TPPP: variants seen among roughly 807,000 people sequenced by gnomAD.
TPPP encodes tubulin polymerization-promoting protein.
A neutral mutation model predicts 15.5 loss-of-function variants in TPPP; 6 were observed. The observed-to-expected ratio is 0.39, with a 90% CI of 0.21 to 0.77. The LOEUF (loss-of-function observed/expected upper bound fraction) is 0.77, where lower values mean the gene tolerates loss of function less well. TPPP is among the 30% of genes least tolerant of loss of function. The pLI, the probability that TPPP is intolerant of heterozygous loss-of-function variation, is 0.42. For synonymous variants in TPPP, 146 were observed against 133.9 expected, an observed-to-expected ratio of 1.09 and a Z score of -0.63; for missense variants, 269 against 307.2, an observed-to-expected ratio of 0.88 and a Z score of 0.93.
rs369979785 is a variant in TPPP at position 668,813 on chromosome 5, G to C, written c.312-2690C>G. Among the ~76,000 whole-genome samples, 12 of 152,354 alleles carry C rather than the reference G, an allele frequency of 7.9e-5. No individual in the cohort carries two copies. In the South Asian group the frequency reaches 2.5e-3, roughly 32 times the overall value. ...AGCAGCGGCCAGACCACAGTGCTGT[G>C]ATGTGTGCGCACGTGGACAGCACCC... On this transcript the variant is annotated intron_variant, in intron 2 of 3. Transcript: ENST00000360578.
Position 687,074 on chromosome 5 carries a change from C to T in TPPP, c.-5+6204G>A, listed in dbSNP as rs1225173337. 9.4e-5 allele frequency among the ~76,000 whole-genome samples: 12 copies of T among 127,988 alleles called. 1 individual carries two copies. Among genetic ancestry groups the T allele is most frequent in the East Asian group, 2.2e-4 (1 of 4,490 alleles). 84.0% of individuals were successfully genotyped at this position (127,988 alleles called of 152,430 possible). On this transcript the variant is annotated intron_variant, in intron 1 of 3. Transcript: ENST00000360578. ...AGCAACACACACGGACTAACACAGT[C>T]GCCATGAGGCCGGGGCTGCAGTGAC... is the stretch of plus-strand genomic sequence containing the variant.
intron 2 of TPPP, among the ~76,000 whole-genome samples, chr5:668,542 GACAA>G (rs1740048553): frequency 1.7e-5 from 2 of 117,676 alleles, no homozygotes; most frequent in South Asian, 5.7e-4. Context: ...AGGGGGCTCA[GACAA>G]TCAAATAAAC....
At chr5:675,470 T>TACA (rs1740393732) in intron 2 of TPPP, among the ~76,000 whole-genome samples, 1 of 50,336 alleles carries the variant, frequency 2.0e-5, no homozygotes, top group Non-Finnish European at 4.7e-5. Context: ...GCACAGGGGG[T>TACA]GCAGTGTGGC....
chr5:684,298 G>A (rs1016581479), intron 1 of TPPP, among the ~76,000 whole-genome samples: 1 of 152,222 alleles, frequency 6.6e-6, no homozygotes, highest in African/African-American at 2.4e-5. Context: ...GCACAGGCAC[G>A]GCACAGCCCC....
At chr5:665,451 A>C in intron 3 of TPPP, 155 bp from the exon 4 acceptor site, 1 of 701,498 alleles carries the variant, frequency 1.4e-6, no homozygotes, top group Non-Finnish European at 2.3e-6. Flanking sequence ...TCTTATTTTT[A>C]CCTCTCCTGA....
At position 663,950 on chromosome 5, in the gene TPPP, A is replaced by G. The variant is rs1739791451; in HGVS notation, c.*1152T>C. On this transcript the variant is annotated 3_prime_UTR_variant, in exon 4 of 4. Transcript: ENST00000360578. ...GGAGCGCCGGCTTCTCCCCAGGTGC[A>G]GACAGGCAAGGGCGGGCCGCCTGGG... 6.6e-6 allele frequency: 1 copy of G among 152,640 alleles called. No homozygotes were observed. The highest frequency in any genetic ancestry group is 2.1e-4 in the South Asian group (1 of 4,838). 9.5% of individuals were successfully genotyped at this position (152,640 alleles called of 1,614,324 possible).
chr5:670,593 C>G (rs924408784), intron 2 of TPPP, among the ~76,000 whole-genome samples: 1 of 152,088 alleles, frequency 6.6e-6, no homozygotes, highest in African/African-American at 2.4e-5. Context: ...AGGTTCCTAC[C>G]TGGTAGGGAC....
Position 684,270 on chromosome 5 carries a change from C to T in TPPP, c.-4-6206G>A, listed in dbSNP as rs540958354. On this transcript the variant is annotated intron_variant, in intron 1 of 3. Coordinates refer to ENST00000360578, the MANE Select transcript of TPPP (RefSeq NM_007030.3). ...GGGGATCGGGACCAGGGGGAAGCAG[C>T]CCCCCAGTAAATCCGAAGCACAGGC... 2.6e-5 allele frequency among the ~76,000 whole-genome samples: 4 copies of T among 152,230 alleles called. No individual in the cohort carries two copies. The East Asian group carries it at 7.8e-4, about 30-fold the overall frequency.
At chr5:700,573 C>T in the TPPP span, among the ~76,000 whole-genome samples, 1 of 152,012 alleles carries the variant, frequency 6.6e-6, no homozygotes, top group African/African-American at 2.4e-5. Flanking sequence ...TGCACTTCTA[C>T]CCCTTACATC....
chr5:669,194 T>G (rs1740090650), intron 2 of TPPP, among the ~76,000 whole-genome samples: 1 of 152,142 alleles, frequency 6.6e-6, no homozygotes, highest in South Asian at 2.1e-4. Context: ...CCTGGACTGC[T>G]GAGGGCAGCC....
rs1166376461 is a variant in TPPP, at chr5:677,981, G to A, written c.80C>T (p.Ala27Val). The A allele has an allele frequency of 2.5e-6, 4 of 1,609,552 alleles. No individual in the cohort carries two copies. Among genetic ancestry groups the A allele is most frequent in the South Asian group, 1.1e-5 (1 of 90,552 alleles). The change falls in exon 2 of 4, where the codon GCA (alanine) becomes GTA (valine). Residue 27 changes from alanine (A) to valine (V), a missense_variant. Ala to Val is a moderately conservative substitution (Grantham distance 64). Transcript: ENST00000360578. Reference protein sequence around the residue: ...KSPGDPSKDRAAKRLSLESEG... With the variant: ...KSPGDPSKDRVAKRLSLESEG... ...CGATTCCAGCGACAGCCTCTTGGCTGCCCGGTCCTTCGAGGGGTCCCCCGG... is the reference window on the plus strand; with the variant it reads ...CGATTCCAGCGACAGCCTCTTGGCTACCCGGTCCTTCGAGGGGTCCCCCGG...
intron 2 of TPPP, among the ~76,000 whole-genome samples, chr5:674,126 G>A (rs928161507): frequency 6.6e-6 from 1 of 152,206 alleles, no homozygotes; most frequent in African/African-American, 2.4e-5. Context: ...CTCCCGCCCA[G>A]CCCTTCTAGG....
At chr5:688,120 C>T (rs1319566992) in intron 1 of TPPP, among the ~76,000 whole-genome samples, 1 of 115,978 alleles carries the variant, frequency 8.6e-6, no homozygotes, top group African/African-American at 3.2e-5. Context: ...AACTGCTTGG[C>T]ATCATCTGAT....
chr5:674,543 AG>A (rs1476861555), intron 2 of TPPP, among the ~76,000 whole-genome samples: 1 of 152,098 alleles, frequency 6.6e-6, no homozygotes, highest in Non-Finnish European at 1.5e-5. Context: ...GCTCAGGACA[AG>A]GGCACTGTCT....
chr5:682,580 C>T (rs1364538490), intron 1 of TPPP, among the ~76,000 whole-genome samples: 1 of 146,582 alleles, frequency 6.8e-6, no homozygotes, highest in Admixed American at 6.7e-5. Context: ...CAGGGGTCTG[C>T]CCCTTGGGCC....
At chr5:676,712 A>G (rs1483753945) in intron 2 of TPPP, 1 of 152,296 alleles carries the variant, frequency 6.6e-6, no homozygotes, top group Non-Finnish European at 1.5e-5. Context: ...AGGGTGCCTC[A>G]GTGTGCTTCC....
At chr5:666,619 C>T (rs1184320299) in intron 2 of TPPP, among the ~76,000 whole-genome samples, 1 of 151,406 alleles carries the variant, frequency 6.6e-6, no homozygotes, top group Non-Finnish European at 1.5e-5. Context: ...GATGCCCTGG[C>T]TCCAAAACCC....
chr5:672,267 G>A (rs889101499), intron 2 of TPPP, among the ~76,000 whole-genome samples: 3 of 152,166 alleles, frequency 2.0e-5, no homozygotes, highest in African/African-American at 7.2e-5. Context: ...CAGACCCCAG[G>A]GAGCCTGGCC....
chr5:692,991 G>A (rs1412323541), intron 1 of TPPP, among the ~76,000 whole-genome samples: 1 of 151,204 alleles, frequency 6.6e-6, no homozygotes, highest in Non-Finnish European at 1.5e-5. Context: ...CAGGCACAGG[G>A]CCCGGAGACG....
Sources: allele counts gnomAD v4.1 joint callset (sites outside exome capture counted in the v4.1 genomes callset), GRCh38; gene constraint gnomAD v4.1.1; transcripts MANE v1.5; gene names NCBI Gene and HGNC (gene_info 2026-07-23, HGNC 2026-07-21).